DTWD2: variants seen among roughly 807,000 people sequenced by gnomAD.
DTWD2 encodes tRNA-uridine aminocarboxypropyltransferase 2.
A neutral mutation model predicts 31.8 loss-of-function variants in DTWD2; 39 were observed. The ratio of observed to expected loss-of-function variants is 1.22; its 90% CI spans 0.95 to 1.60. DTWD2 has a LOEUF of 1.60. DTWD2 is among the 40% of genes most tolerant of loss of function. DTWD2 has a pLI of 0.00. For missense variants in DTWD2, 515 were observed against 381.5 expected (o/e 1.35, Z -2.92); for synonymous variants, 180 against 142.8 (o/e 1.26, Z -1.86).
At chr5:118,988,143 C>G in intron 1 of DTWD2, 151 bp downstream of exon 1, 1 of 936,342 alleles carries the variant, frequency 1.1e-6, no homozygotes, top group Middle Eastern at 2.1e-4. Flanking sequence ...GTAGCTGTGC[C>G]TGGCATTTCC....
intron 4 of DTWD2, among the ~76,000 whole-genome samples, chr5:118,890,002 GA>G (rs1561443187): frequency 1.3e-5 from 2 of 152,114 alleles, no homozygotes; most frequent in East Asian, 3.9e-4. Flanking sequence ...TCTGACAAAA[GA>G]AAGTAAATGT....
intron 1 of DTWD2, among the ~76,000 whole-genome samples, chr5:118,983,944 G>A (rs1409434735): frequency 3.3e-5 from 5 of 152,226 alleles, no homozygotes; most frequent in African/African-American, 1.2e-4. Flanking sequence ...GAGGTCAGGA[G>A]TTCGAGACCA....
chr5:118,960,600 C>T (rs1326989464), intron 1 of DTWD2, among the ~76,000 whole-genome samples: 1 of 152,102 alleles, frequency 6.6e-6, no homozygotes, highest in African/African-American at 2.4e-5. Flanking sequence ...GGAATATAAA[C>T]TCTTCTACCA....
intron 4 of DTWD2, among the ~76,000 whole-genome samples, chr5:118,890,306 C>CCT (rs1337229652): frequency 6.6e-6 from 1 of 152,136 alleles, no homozygotes; most frequent in Non-Finnish European, 1.5e-5. Flanking sequence ...AAGTTCTAAA[C>CCT]AAATAGTCTT....
rs899572396 is a variant in DTWD2, at chr5:118,928,616, G to A, written c.518C>T (p.Thr173Ile). ...CCATGTACCATCAATGATGATGATTGTAGAAGGATAAACAGGAGAATCTAA... is the reference window on the plus strand; with the variant it reads ...CCATGTACCATCAATGATGATGATTATAGAAGGATAAACAGGAGAATCTAA... ...FILDSPVYPS[T>I]IIIIDGTWSQ... The change falls in exon 4 of 6, where the codon ACA (threonine) becomes ATA (isoleucine). Residue 173 changes from threonine to isoleucine, a missense_variant. Thr to Ile is a moderately conservative substitution (Grantham distance 89). Transcript: ENST00000510708. 7 of 1,602,900 alleles carry A rather than the reference G, an allele frequency of 4.4e-6. No homozygotes were observed. Among genetic ancestry groups the A allele is most frequent in the Non-Finnish European group, 4.3e-6 (5 of 1,174,298 alleles).
chr5:118,863,031 T>C (rs764822471), intron 4 of DTWD2, among the ~76,000 whole-genome samples: 13 of 151,582 alleles, frequency 8.6e-5, no homozygotes, highest in Non-Finnish European at 1.8e-4. Context: ...TAGCCAAACC[T>C]GAACTACCTA....
intron 2 of DTWD2, among the ~76,000 whole-genome samples, chr5:118,941,446 T>C (rs1233674792): frequency 3.3e-5 from 5 of 152,192 alleles, no homozygotes; most frequent in Non-Finnish European, 7.4e-5. Context: ...CTTGTCCTTG[T>C]GATATAGTTT....
At chr5:118,852,226 C>T (rs1752025508) in intron 4 of DTWD2, among the ~76,000 whole-genome samples, 1 of 152,150 alleles carries the variant, frequency 6.6e-6, no homozygotes, top group African/African-American at 2.4e-5. Flanking sequence ...CACTGTTATT[C>T]TGTTTATTTC....
chr5:118,865,356 C>T (rs1368351031), intron 4 of DTWD2, among the ~76,000 whole-genome samples: 4 of 151,988 alleles, frequency 2.6e-5, no homozygotes, highest in Non-Finnish European at 5.9e-5. Context: ...CTGCTTTGGA[C>T]TCATGAGTAT....
rs182188175 is a variant in DTWD2 at position 118,836,093 on chromosome 5, A to C, written c.*4824T>G. On this transcript the variant is annotated 3_prime_UTR_variant, in exon 6 of 6. Coordinates refer to ENST00000510708, the MANE Select transcript of DTWD2 (RefSeq NM_173666.4). ...CAGGTACACTTTTAAAAAATGTTTTAATTCTTTAATATACTTCTAAGTAAC... is the reference window on the plus strand; with the variant it reads ...CAGGTACACTTTTAAAAAATGTTTTCATTCTTTAATATACTTCTAAGTAAC... Among the ~76,000 whole-genome samples, 3 of 152,188 alleles carry C rather than the reference A, an allele frequency of 2.0e-5. No individual in the cohort carries two copies. The highest frequency in any genetic ancestry group is 2.0e-4 in the Admixed American group (3 of 15,280).
chr5:118,873,325 C>A (rs1041217309), intron 4 of DTWD2, among the ~76,000 whole-genome samples: 2 of 152,188 alleles, frequency 1.3e-5, no homozygotes, highest in Non-Finnish European at 2.9e-5. Flanking sequence ...GCTGGTCTGA[C>A]CTGAGCACCC....
intron 1 of DTWD2, chr5:118,973,664 T>C: frequency 2.8e-6 from 2 of 726,272 alleles, no homozygotes; most frequent in South Asian, 3.4e-5. Context: ...CGCGGCAGCC[T>C]CCTTGCTCGC....
chr5:118,939,011 G>A (rs1309995825), intron 3 of DTWD2, among the ~76,000 whole-genome samples, 185 bp downstream of exon 3: 1 of 151,854 alleles, frequency 6.6e-6, no homozygotes, highest in Non-Finnish European at 1.5e-5. Flanking sequence ...TTTTATTTCT[G>A]ATTTTGTTTT....
Position 118,933,248 on chromosome 5 carries a change from T to C in DTWD2, c.405-4519A>G, listed in dbSNP as rs1021600880. ...TTCTCTCAAACATTTCAGGAAGAAA[T>C]GGTATCAATTCTCCACAATCTCTTC... is the stretch of plus-strand genomic sequence containing the variant. On this transcript the variant is annotated intron_variant, in intron 3 of 5. Coordinates refer to ENST00000510708, the MANE Select transcript of DTWD2 (RefSeq NM_173666.4). Among the ~76,000 whole-genome samples the C allele has an allele frequency of 2.0e-5, 3 of 152,042 alleles. No individual in the cohort carries two copies. The East Asian group carries it at 5.8e-4, about 29-fold the overall frequency.
intron 3 of DTWD2, among the ~76,000 whole-genome samples, chr5:118,930,503 G>C (rs1308422836): frequency 4.0e-5 from 6 of 151,812 alleles, no homozygotes; most frequent in Admixed American, 1.3e-4. Flanking sequence ...ATTCGTCAGA[G>C]AATTGAGGCT....
intron 4 of DTWD2, among the ~76,000 whole-genome samples, chr5:118,922,981 T>C (rs967815742): frequency 6.6e-6 from 1 of 152,232 alleles, no homozygotes; most frequent in Non-Finnish European, 1.5e-5. Context: ...TCTTATTCTT[T>C]TTTTTAACCA....
intron 4 of DTWD2, among the ~76,000 whole-genome samples, chr5:118,920,132 G>C (rs1447546199): frequency 6.6e-6 from 1 of 151,876 alleles, no homozygotes; most frequent in Non-Finnish European, 1.5e-5. Flanking sequence ...AAAAGACTGG[G>C]GACTGCTGGT....
chr5:118,967,152 G>C (rs141522154), intron 1 of DTWD2, among the ~76,000 whole-genome samples: 2 of 148,902 alleles, frequency 1.3e-5, no homozygotes, highest in Non-Finnish European at 3.0e-5. Flanking sequence ...AATCAAACAT[G>C]TTGCAGATAA....
intron 1 of DTWD2, among the ~76,000 whole-genome samples, chr5:118,961,015 A>G (rs1044366290): frequency 5.3e-5 from 8 of 151,922 alleles, no homozygotes; most frequent in Non-Finnish European, 1.2e-4. Context: ...TGTACATAAA[A>G]CCCCCATGAT....
Sources: allele counts gnomAD v4.1 joint callset (sites outside exome capture counted in the v4.1 genomes callset), GRCh38; gene constraint gnomAD v4.1.1; transcripts MANE v1.5; gene names NCBI Gene and HGNC (gene_info 2026-07-23, HGNC 2026-07-21).